ADCY8: variants seen among roughly 807,000 people sequenced by gnomAD.
ADCY8 encodes adenylate cyclase type 8.
In ADCY8, 51 loss-of-function variants were observed where a neutral mutation model predicts 119.7. The observed-to-expected ratio is 0.43, with a 90% CI of 0.34 to 0.54. The LOEUF is 0.54. Among genes scored for constraint, ADCY8 ranks in the 20% least tolerant of loss-of-function variants. ADCY8 has a pLI of 0.03. For synonymous variants in ADCY8, 665 were observed against 651.0 expected (o/e 1.02, Z -0.33); for missense variants, 1,383 against 1,598.8 (o/e 0.87, Z 2.30).
At position 130,783,791 on chromosome 8, in the gene ADCY8, C is replaced by G. The variant is rs766264323; in HGVS notation, c.3168G>C (p.Lys1056Asn). The G allele has an allele frequency of 3.7e-6, 6 of 1,613,060 alleles. No homozygotes were observed. In the Admixed American group the frequency reaches 1.0e-4, roughly 27 times the overall value. The change falls in exon 17 of 18, where the codon AAG becomes AAC. Residue 1056 changes from lysine to asparagine, a missense_variant. By Grantham distance (94) the Lys-to-Asn change is moderately conservative. This residue lies in a region of ADCY8 where 928 missense variants were observed against 1,163.5 expected (regional missense o/e 0.80). Coordinates refer to ENST00000286355, the MANE Select transcript of ADCY8 (RefSeq NM_001115.3). Reference sequence around the variant, plus strand: ...CAGCCAGAGCACACAAATGTCCCCACTTGTCTTCACATTGCTGAAGCAAAC... The same window carrying G: ...CAGCCAGAGCACACAAATGTCCCCAGTTGTCTTCACATTGCTGAAGCAAAC... ...LSPEKQQCED[K>N]WGHLCALADF...
At chr8:130,838,018 A>G (rs928150276) in intron 11 of ADCY8, among the ~76,000 whole-genome samples, 1 of 152,234 alleles carries the variant, frequency 6.6e-6, no homozygotes, top group Non-Finnish European at 1.5e-5. Context: ...GCTGTTTGTA[A>G]CAACTTGTCT....
chr8:130,921,453 T>TC (rs948357884), intron 5 of ADCY8, among the ~76,000 whole-genome samples: 9 of 148,330 alleles, frequency 6.1e-5, no homozygotes, highest in East Asian at 1.9e-4. Flanking sequence ...TCTTTTCTTT[T>TC]TTTTTTTTTT....
At chr8:130,861,808 T>G (rs368963065) in intron 9 of ADCY8, among the ~76,000 whole-genome samples, 1 of 150,214 alleles carries the variant, frequency 6.7e-6, no homozygotes, top group Non-Finnish European at 1.5e-5. Flanking sequence ...ATCTATAGCT[T>G]TTTTTTTTGG....
At chr8:130,789,732 T>A (rs571344936) in intron 15 of ADCY8, among the ~76,000 whole-genome samples, 2 of 152,342 alleles carry the variant, frequency 1.3e-5, no homozygotes, top group South Asian at 2.1e-4. Context: ...GAATCTTGAT[T>A]GCTTGACTCC....
intron 14 of ADCY8, among the ~76,000 whole-genome samples, chr8:130,807,095 T>C (rs567579817): frequency 2.6e-5 from 4 of 152,232 alleles, no homozygotes; most frequent in African/African-American, 7.2e-5. Context: ...TGGTCGAAGG[T>C]ATGGACTTAG....
intron 5 of ADCY8, among the ~76,000 whole-genome samples, chr8:130,915,214 A>G (rs1194484024): frequency 6.6e-6 from 1 of 152,188 alleles, no homozygotes; most frequent in African/African-American, 2.4e-5. Context: ...GATTGACAAC[A>G]TTATTTCTTT....
chr8:130,895,987 CTG>C (rs1819374435), intron 7 of ADCY8, among the ~76,000 whole-genome samples: 1 of 150,586 alleles, frequency 6.6e-6, no homozygotes, highest in Admixed American at 6.6e-5. Context: ...AAAGAGAAAT[CTG>C]TGCTTTGGTC....
At chr8:131,034,262 T>C (rs114293318) in intron 1 of ADCY8, among the ~76,000 whole-genome samples, 1,597 of 152,230 alleles carry the variant, frequency 0.01, 34 homozygotes, top group African/African-American at 0.037. Flanking sequence ...AAAGAACATA[T>C]AATATCTTAT....
intron 12 of ADCY8, among the ~76,000 whole-genome samples, chr8:130,822,293 A>G (rs1416937565): frequency 6.6e-6 from 1 of 152,182 alleles, no homozygotes; most frequent in Non-Finnish European, 1.5e-5. Context: ...TTCTCTAGGT[A>G]CAGGACATCT....
chr8:130,893,106 T>A (rs938520922), intron 7 of ADCY8, among the ~76,000 whole-genome samples: 1 of 152,184 alleles, frequency 6.6e-6, no homozygotes, highest in Non-Finnish European at 1.5e-5. Context: ...AAAAATGTTG[T>A]TAAACTTCTG....
At chr8:131,018,664 C>T (rs534872721) in intron 1 of ADCY8, among the ~76,000 whole-genome samples, 2 of 152,310 alleles carry the variant, frequency 1.3e-5, no homozygotes, top group African/African-American at 4.8e-5. Flanking sequence ...CTATATAAGA[C>T]ACATGCTGTA....
intron 9 of ADCY8, among the ~76,000 whole-genome samples, chr8:130,859,139 C>T (rs1817844834): frequency 6.6e-6 from 1 of 152,072 alleles, no homozygotes; most frequent in South Asian, 2.1e-4. Flanking sequence ...GCTTCCAGGC[C>T]CTCTCCACTG....
At chr8:130,919,708 C>T (rs1048585562) in intron 5 of ADCY8, among the ~76,000 whole-genome samples, 7 of 152,152 alleles carry the variant, frequency 4.6e-5, no homozygotes, top group Non-Finnish European at 8.8e-5. Flanking sequence ...CTTTTTAAGG[C>T]TTGTGACTGG....
At chr8:131,020,117 A>G (rs147706306) in intron 1 of ADCY8, among the ~76,000 whole-genome samples, 2 of 152,226 alleles carry the variant, frequency 1.3e-5, no homozygotes, top group East Asian at 3.9e-4. Context: ...GATTACCACT[A>G]CCTGAGGGAG....
intron 6 of ADCY8, among the ~76,000 whole-genome samples, chr8:130,905,312 T>G (rs1003036427): frequency 6.6e-6 from 1 of 152,188 alleles, no homozygotes; most frequent in African/African-American, 2.4e-5. Context: ...TCTGGCTCTG[T>G]CACTTCAAAG....
intron 8 of ADCY8, among the ~76,000 whole-genome samples, chr8:130,875,943 G>A (rs1818546175): frequency 6.6e-6 from 1 of 152,136 alleles, no homozygotes; most frequent in Non-Finnish European, 1.5e-5. Flanking sequence ...ACAGAACTTG[G>A]TTCATAGTAA....
At chr8:130,956,313 G>A (rs1393397739) in intron 2 of ADCY8, among the ~76,000 whole-genome samples, 1 of 152,158 alleles carries the variant, frequency 6.6e-6, no homozygotes, top group African/African-American at 2.4e-5. Flanking sequence ...TCTATTCTGA[G>A]CAGGAGATTA....
intron 7 of ADCY8, among the ~76,000 whole-genome samples, chr8:130,900,936 C>T (rs1819577766): frequency 6.6e-6 from 1 of 152,180 alleles, no homozygotes; most frequent in Admixed American, 6.5e-5. Context: ...AAGAGAATTC[C>T]TAGTCTTCCT....
At chr8:130,835,505 T>G (rs1289208078) in intron 12 of ADCY8, among the ~76,000 whole-genome samples, 1 of 152,218 alleles carries the variant, frequency 6.6e-6, no homozygotes, top group Admixed American at 6.5e-5. Context: ...TCCTCACTTC[T>G]CTTTTCCCTC....
Sources: gnomAD v4.1 joint callset for allele counts (sites outside exome capture counted in the v4.1 genomes callset) on GRCh38, gnomAD v4.1.1 for gene constraint, gnomAD v4.1.1 regional missense constraint, MANE v1.5 for transcripts, NCBI Gene and HGNC (gene_info 2026-07-23, HGNC 2026-07-21) for gene names.